Variants in SLC25A25 observed in about 807,000 individuals in gnomAD.
The protein encoded by SLC25A25 is solute carrier family 25 member 25.
In SLC25A25, 32 loss-of-function variants were observed where a neutral mutation model predicts 57.7. The observed-to-expected ratio is 0.55, with a 90% CI of 0.42 to 0.74. The LOEUF (loss-of-function observed/expected upper bound fraction) is 0.74. Ranked by LOEUF, SLC25A25 falls within the 30% of genes least tolerant of loss-of-function variation. The pLI is 0.00. For synonymous variants in SLC25A25, 306 were observed against 291.2 expected, an observed-to-expected ratio of 1.05 and a Z score of -0.52; for missense variants, 556 against 701.3, an observed-to-expected ratio of 0.79 and a Z score of 2.34.
chr9:128,087,645 T>G (rs1036615249), intron 1 of SLC25A25, among the ~76,000 whole-genome samples: 2 of 152,250 alleles, frequency 1.3e-5, no homozygotes, highest in Non-Finnish European at 2.9e-5. Context: ...TTCTTTAAAC[T>G]ATTTTTTCAG....
chr9:128,103,279 A>G lies in SLC25A25; in HGVS notation c.625-402A>G, dbSNP rs983507022. ...CTGAGGCGTTGCATAATGTTCTGCC[A>G]GCGTGATCTGGTTACACGTGAGATC... On this transcript the variant is annotated intron_variant, in intron 5 of 10. Transcript: ENST00000373069. The surrounding 1 kb of genome is among the most constrained non-coding windows in gnomAD (Gnocchi z 6.7). 6.6e-6 allele frequency among the ~76,000 whole-genome samples: 1 copy of G among 152,222 alleles called. No individual in the cohort carries two copies. The highest frequency in any genetic ancestry group is 1.5e-5 in the Non-Finnish European group (1 of 68,040).
chr9:128,103,536 C>T lies in SLC25A25; in HGVS notation c.625-145C>T. 1 of 940,778 alleles carries T rather than the reference C, an allele frequency of 1.1e-6. No individual in the cohort carries two copies. Among genetic ancestry groups the T allele is most frequent in the Non-Finnish European group, 1.6e-6 (1 of 623,654 alleles). The allele number at this position is 940,778 out of a possible 1,614,324, so 58.3% of individuals were successfully genotyped here. On this transcript the variant is annotated intron_variant, in intron 5 of 10. Coordinates refer to ENST00000373069, the MANE Select transcript of SLC25A25 (RefSeq NM_001330988.2). This position sits in a 1 kb window ranked among gnomAD's most constrained non-coding sequence, Gnocchi z 6.7. ...ACCTTCAGAGTGAAGGGAAAGACCCCAGCCCGCTTCCCACCCAGAGTCCTT... is the reference window on the plus strand; with the variant it reads ...ACCTTCAGAGTGAAGGGAAAGACCCTAGCCCGCTTCCCACCCAGAGTCCTT...
intron 1 of SLC25A25, among the ~76,000 whole-genome samples, chr9:128,070,807 G>A (rs1411335268): frequency 2.6e-5 from 4 of 151,636 alleles, no homozygotes; most frequent in Admixed American, 1.3e-4. Context: ...CAAAATTAAC[G>A]GGGAGTGGTG....
Position 128,084,888 on chromosome 9 carries a change from A to G in SLC25A25, c.262-16208A>G, listed in dbSNP as rs1447573829. Among the ~76,000 whole-genome samples the G allele has an allele frequency of 3.9e-5, 6 of 152,338 alleles. No individual in the cohort carries two copies. In the East Asian group the frequency reaches 9.6e-4, roughly 24 times the overall value. The stretch of plus-strand genomic sequence containing the variant: ...TCTTAACCAGATTCTATTGATGTTT[A>G]TAAGCTACTTTTACAAGAGGGTTAC... On this transcript the variant is annotated intron_variant, in intron 1 of 10. Coordinates refer to ENST00000373069, the MANE Select transcript of SLC25A25 (RefSeq NM_001330988.2).
intron 1 of SLC25A25, among the ~76,000 whole-genome samples, chr9:128,073,738 C>CTTT (rs879805302): frequency 6.9e-6 from 1 of 145,498 alleles, no homozygotes; most frequent in African/African-American, 2.5e-5. Flanking sequence ...AACTAGAATA[C>CTTT]TTTTTTTTTT....
In SLC25A25 at chr9:128,091,546, C is replaced by CTT. The variant is rs757342831; in HGVS notation, c.262-9536_262-9535dup. On this transcript the variant is annotated intron_variant, in intron 1 of 10. Coordinates refer to ENST00000373069, the MANE Select transcript of SLC25A25 (RefSeq NM_001330988.2). ...TGCTTGGCTGTCGCGTTTTCCTTTTCTTTTTTTTTTTTTTTAAAAAAAAGC... is the reference window on the plus strand; with the variant it reads ...TGCTTGGCTGTCGCGTTTTCCTTTTCTTTTTTTTTTTTTTTTTAAAAAAAAGC... 2.5e-3 allele frequency: 2,132 copies of CTT among 854,012 alleles called. 25 individuals carry two copies. In the African/African-American group the frequency reaches 0.037, roughly 15 times the overall value. The allele number at this position is 854,012 out of a possible 1,614,324, so 52.9% of individuals were successfully genotyped here.
Position 128,101,248 on chromosome 9 carries a change from C to T in SLC25A25, c.388+26C>T, listed in dbSNP as rs972338564. 9 of 1,614,240 alleles carry T rather than the reference C, an allele frequency of 5.6e-6. No homozygotes were observed. Among genetic ancestry groups the T allele is most frequent in the East Asian group, 2.2e-5 (1 of 44,888 alleles). On this transcript the variant is annotated intron_variant, in intron 2 of 10. Transcript: ENST00000373069. This position sits in a 1 kb window ranked among gnomAD's most constrained non-coding sequence, Gnocchi z 4.9. ...GTAAGTGTTGCCTTCAGAGCTGTGG[C>T]CGGTCCAGCCTCGGGCCTCCCCGTG...
intron 1 of SLC25A25, among the ~76,000 whole-genome samples, chr9:128,084,789 C>G (rs4837235): frequency 1.3e-5 from 2 of 152,066 alleles, no homozygotes; most frequent in African/African-American, 2.4e-5. Flanking sequence ...GAATTCGATT[C>G]TTTTCATTGA....
At chr9:128,072,909 G>A (rs998029117) in intron 1 of SLC25A25, among the ~76,000 whole-genome samples, 20 of 152,202 alleles carry the variant, frequency 1.3e-4, no homozygotes, top group African/African-American at 4.6e-4. Flanking sequence ...TGTATTCTGT[G>A]TAAACAGTTG....
rs1482943773 is a variant in SLC25A25, at chr9:128,107,099, C to A, written c.1283C>A (p.Ala428Asp). ...GACCCCGGCGTGTTTGTGCTCCTGGCCTGTGGCACCATGTCCAGTACCTGT... is the reference window on the plus strand; with the variant it reads ...GACCCCGGCGTGTTTGTGCTCCTGGACTGTGGCACCATGTCCAGTACCTGT... ...SADPGVFVLL[A>D]CGTMSSTCGQ... The change falls in exon 10 of 11, where the codon GCC (alanine) becomes GAC (aspartate). Residue 428 changes from alanine (A) to aspartate (D), a missense_variant. Ala to Asp is a moderately radical substitution (Grantham distance 126, BLOSUM62 -2). Transcript: ENST00000373069. 6.2e-7 allele frequency: 1 copy of A among 1,614,002 alleles called. No homozygotes were observed. Among genetic ancestry groups the A allele is most frequent in the East Asian group, 2.2e-5 (1 of 44,892 alleles).
In SLC25A25 at chr9:128,107,446, G is replaced by A. The variant is rs201844320; in HGVS notation, c.*2G>A. On this transcript the variant is annotated 3_prime_UTR_variant, in exon 11 of 11. Transcript: ENST00000373069. ...ACCCTGGGCGTGCAGTCGCGGTGAC[G>A]GGGGGAGGGCCGCCCGGCAGTGGAC... The A allele has an allele frequency of 4.1e-5, 62 of 1,504,118 alleles. No individual in the cohort carries two copies. The highest frequency in any genetic ancestry group is 3.9e-4 in the East Asian group (17 of 43,482). The allele number at this position is 1,504,118 out of a possible 1,614,324, so 93.2% of individuals were successfully genotyped here. A position where few individuals can be genotyped will look rare whatever the true frequency, so the allele number is the denominator to read the frequency against.
rs1439761585 is a variant in SLC25A25, at chr9:128,108,947, C to G, written c.*1503C>G. ...TCTGAATGTCAAGGCAGTGAGGTGC[C>G]TCTCACTGTGAATTTGTGGTGGGCG... On this transcript the variant is annotated 3_prime_UTR_variant, in exon 11 of 11. Coordinates refer to ENST00000373069, the MANE Select transcript of SLC25A25 (RefSeq NM_001330988.2). 1 of 151,694 alleles carries G rather than the reference C, an allele frequency of 6.6e-6. No individual in the cohort carries two copies. The highest frequency in any genetic ancestry group is 1.5e-5 in the Non-Finnish European group (1 of 67,972). The allele number at this position is 151,694 out of a possible 1,614,324, so 9.4% of individuals were successfully genotyped here. A position where few individuals can be genotyped will look rare whatever the true frequency, so the allele number is the denominator to read the frequency against.
At chr9:128,094,567 G>A (rs1407160353) in intron 1 of SLC25A25, 1 of 152,212 alleles carries the variant, frequency 6.6e-6, no homozygotes, top group Non-Finnish European at 1.5e-5. Flanking sequence ...AAGGGTGGGT[G>A]GGGCTTGAGC....
intron 1 of SLC25A25, among the ~76,000 whole-genome samples, chr9:128,071,554 C>T (rs1832907979): frequency 7.0e-6 from 1 of 142,370 alleles, no homozygotes; most frequent in African/African-American, 2.6e-5. Flanking sequence ...GCACGCACCA[C>T]CACGCCCTGC....
chr9:128,094,849 T>C (rs1398459334), intron 1 of SLC25A25, among the ~76,000 whole-genome samples: 2 of 152,222 alleles, frequency 1.3e-5, no homozygotes, highest in Non-Finnish European at 2.9e-5. Context: ...TATAGATTAA[T>C]TGCAATCTGA....
At position 128,107,427 on chromosome 9, in the gene SLC25A25, G is replaced by A. The variant is rs777263284; in HGVS notation, c.1531G>A (p.Gly511Ser). The change falls in exon 11 of 11, where the codon GGC (glycine) becomes AGC (serine). Residue 511 changes from glycine (G) to serine (S), a missense_variant. Gly to Ser is a moderately conservative substitution (Grantham distance 56). Around this residue, in one of 3 missense-constraint regions of SLC25A25, gnomAD observed 294 missense variants for 389.6 expected, o/e 0.75. Transcript: ENST00000373069. Reference protein sequence around the residue: ...VVYENLKITLGVQSR With the variant: ...VVYENLKITLSVQSR ...CTACGAGAACCTGAAGATCACCCTG[G>A]GCGTGCAGTCGCGGTGACGGGGGGA... is the stretch of plus-strand genomic sequence containing the variant. 3 of 1,507,656 alleles carry A rather than the reference G, an allele frequency of 2.0e-6. No individual in the cohort carries two copies. Among genetic ancestry groups the A allele is most frequent in the Non-Finnish European group, 1.8e-6 (2 of 1,127,350 alleles). The allele number at this position is 1,507,656 out of a possible 1,614,324, so 93.4% of individuals were successfully genotyped here. A position where few individuals can be genotyped will look rare whatever the true frequency, so the allele number is the denominator to read the frequency against.
At chr9:128,088,661 G>A (rs1833331911) in intron 1 of SLC25A25, among the ~76,000 whole-genome samples, 1 of 152,168 alleles carries the variant, frequency 6.6e-6, no homozygotes, top group African/African-American at 2.4e-5. Flanking sequence ...TCCAGCGGCT[G>A]GGAAAGATTG....
chr9:128,068,631 CG>C, intron 1 of SLC25A25, 51 bp downstream of exon 1: 1 of 1,378,084 alleles, frequency 7.3e-7, no homozygotes, highest in Non-Finnish European at 9.4e-7. Flanking sequence ...CCTCGAGGGC[CG>C]GGTGACAGGT....
At position 128,108,271 on chromosome 9, in the gene SLC25A25, G is replaced by A. The variant is rs180947406; in HGVS notation, c.*827G>A. On this transcript the variant is annotated 3_prime_UTR_variant, in exon 11 of 11. Transcript: ENST00000373069. ...AGGGCGAAGGGCAGAGCGTTTGTGT[G>A]TTCTGGGGAGGGAAGGAAAAGGTGT... The A allele has an allele frequency of 1.6e-3, 635 of 399,238 alleles. 4 individuals carry two copies. Among genetic ancestry groups the A allele is most frequent in the Non-Finnish European group, 2.5e-3 (575 of 226,158 alleles). The allele number at this position is 399,238 out of a possible 1,614,324, so 24.7% of individuals were successfully genotyped here.
Sources: gnomAD v4.1 joint callset for allele counts (sites outside exome capture counted in the v4.1 genomes callset) on GRCh38, gnomAD v4.1.1 for gene constraint, gnomAD v4.1.1 regional missense constraint, Gnocchi (gnomAD v3.1) non-coding constraint, MANE v1.5 for transcripts, NCBI Gene and HGNC (gene_info 2026-07-23, HGNC 2026-07-21) for gene names.